DNAJA4: variants seen among roughly 807,000 people sequenced by gnomAD.
The protein encoded by DNAJA4 is DnaJ heat shock protein family (Hsp40) member A4.
Under a neutral mutation model 39.7 loss-of-function variants are expected in DNAJA4, and 32 were observed. The ratio of observed to expected loss-of-function variants is 0.81; its 90% CI spans 0.61 to 1.08. The LOEUF (loss-of-function observed/expected upper bound fraction) is 1.08. Among genes scored for constraint, DNAJA4 ranks in the 50% least tolerant of loss-of-function variants. DNAJA4 has a pLI of 0.00. For synonymous variants in DNAJA4, 184 were observed against 182.4 expected, an observed-to-expected ratio of 1.01 and a Z score of -0.07; for missense variants, 439 against 505.1, an observed-to-expected ratio of 0.87 and a Z score of 1.25.
At chr15:78,278,435 C>G in intron 5 of DNAJA4, 1 of 385,406 alleles carries the variant, frequency 2.6e-6, no homozygotes, top group East Asian at 7.3e-5. Context: ...ACCTAGATAG[C>G]ATAGCCTGCT....
Position 78,264,609 on chromosome 15 carries a change from G to A in DNAJA4, c.-155G>A, listed in dbSNP as rs944096349. 2.5e-5 allele frequency: 28 copies of A among 1,104,068 alleles called. No individual in the cohort carries two copies. In the African/African-American group the frequency reaches 4.4e-4, roughly 18 times the overall value. 68.4% of individuals were successfully genotyped at this position (1,104,068 alleles called of 1,614,324 possible). On this transcript the variant is annotated 5_prime_UTR_variant, in exon 1 of 7. Coordinates refer to ENST00000394852, the MANE Select transcript of DNAJA4 (RefSeq NM_001130182.2). ...AAGTCGGTCCGGCGCGGGGCGGGGG[G>A]CGGGCGGGAGCTACAAGCGGCGGCG...
Position 78,280,078 on chromosome 15 carries a change from T to G in DNAJA4, c.911T>G (p.Val304Gly). 1 of 1,614,198 alleles carries G rather than the reference T, an allele frequency of 6.2e-7. No homozygotes were observed. The highest frequency in any genetic ancestry group is 8.5e-7 in the Non-Finnish European group (1 of 1,180,036). ...ATAAAGCACGGGGACCTGAGATGCGTGCGCGATGAAGGAATGCCCATCTAC... is the reference window on the plus strand; with the variant it reads ...ATAAAGCACGGGGACCTGAGATGCGGGCGCGATGAAGGAATGCCCATCTAC... ...EVIKHGDLRC[V>G]RDEGMPIYKA... is the part of the protein sequence containing the mutation. The change falls in exon 6 of 7, where the codon GTG (valine) becomes GGG (glycine). Residue 304 changes from valine (V) to glycine (G), a missense_variant. Physicochemically the swap from Val to Gly is moderately radical, Grantham distance 109. Transcript: ENST00000394852.
intron 1 of DNAJA4, among the ~76,000 whole-genome samples, chr15:78,269,678 ATTGTT>A: frequency 6.6e-6 from 1 of 152,084 alleles, no homozygotes; most frequent in South Asian, 2.1e-4. Flanking sequence ...CATTTCTCCC[ATTGTT>A]CCAATAATGT....
At position 78,265,427 on chromosome 15, in the gene DNAJA4, C is replaced by G. The variant is rs1490509221; in HGVS notation, c.132+532C>G. ...CTGGATTTGTTCTGTGCACCTACTG[C>G]CTACCTGATAAAAGCGTCAGATAGT... is the stretch of plus-strand genomic sequence containing the variant. On this transcript the variant is annotated intron_variant, in intron 1 of 6. Transcript: ENST00000394852. The G allele has an allele frequency of 1.0e-5, 7 of 699,974 alleles. No individual in the cohort carries two copies. In the East Asian group the frequency reaches 1.9e-4, roughly 19 times the overall value. 43.4% of individuals were successfully genotyped at this position (699,974 alleles called of 1,614,324 possible). A position where few individuals can be genotyped will look rare whatever the true frequency, so the allele number is the denominator to read the frequency against.
chr15:78,277,990 C>T, intron 5 of DNAJA4: 1 of 454,578 alleles, frequency 2.2e-6, no homozygotes, highest in South Asian at 1.6e-5. Context: ...TTTGTGTTGG[C>T]TTATTTCTTG....
Position 78,281,441 on chromosome 15 carries a change from CAA to C in DNAJA4, c.*983_*984del, listed in dbSNP as rs1320146197. ...CATTCTCCCAGATTGAGCTCCCTTC[CAA>C]AGGATCGTTCCTCTCATTGCACAGC... On this transcript the variant is annotated 3_prime_UTR_variant, in exon 7 of 7. Coordinates refer to ENST00000394852, the MANE Select transcript of DNAJA4 (RefSeq NM_001130182.2). 1 of 149,818 alleles carries C rather than the reference CAA, an allele frequency of 6.7e-6. No individual in the cohort carries two copies. The highest frequency in any genetic ancestry group is 2.6e-5 in the African/African-American group (1 of 39,108). 9.3% of individuals were successfully genotyped at this position (149,818 alleles called of 1,614,324 possible). A position where few individuals can be genotyped will look rare whatever the true frequency, so the allele number is the denominator to read the frequency against.
intron 4 of DNAJA4, chr15:78,275,275 C>T: frequency 3.6e-6 from 2 of 554,160 alleles, no homozygotes; most frequent in Non-Finnish European, 6.4e-6. Flanking sequence ...CGCATTCCCC[C>T]ACTCCCTGTG....
At chr15:78,276,831 A>C (rs1271114655) in intron 5 of DNAJA4, among the ~76,000 whole-genome samples, 2 of 152,154 alleles carry the variant, frequency 1.3e-5, no homozygotes, top group Admixed American at 1.3e-4. Flanking sequence ...GATAAGACTC[A>C]AGTCTGGTGG....
In DNAJA4 at chr15:78,264,796, G is replaced by T; in HGVS notation, c.33G>T (p.Leu11=). The change falls in exon 1 of 7, where the codon CTG becomes CTT. Residue 11 remains leucine, a synonymous_variant. Coordinates refer to ENST00000394852, the MANE Select transcript of DNAJA4 (RefSeq NM_001130182.2). MVKETQYYDI[L]GVKPSASPEE... is the part of the protein sequence containing the mutation. ...AGGAGACCCAGTACTATGACATCCT[G>T]GGCGTGAAGCCCAGCGCGTCCCCGG... is the stretch of plus-strand genomic sequence containing the variant. 1 of 1,609,814 alleles carries T rather than the reference G, an allele frequency of 6.2e-7. No individual in the cohort carries two copies. Among genetic ancestry groups the T allele is most frequent in the Non-Finnish European group, 8.5e-7 (1 of 1,177,858 alleles).
Position 78,276,470 on chromosome 15 carries a change from G to A in DNAJA4, c.877+742G>A, listed in dbSNP as rs568049847. On this transcript the variant is annotated intron_variant, in intron 5 of 6. Transcript: ENST00000394852. Reference sequence around the variant, plus strand: ...GCACTCATCTCCCAGGAGGGTTGGTGTGTTCACTGTAGTTGAGGGTTTGTG... The same window carrying A: ...GCACTCATCTCCCAGGAGGGTTGGTATGTTCACTGTAGTTGAGGGTTTGTG... 9.8e-4 allele frequency among the ~76,000 whole-genome samples: 149 copies of A among 152,352 alleles called. 1 individual carries two copies. The highest frequency in any genetic ancestry group is 1.5e-3 in the Non-Finnish European group (103 of 68,028).
In DNAJA4 at chr15:78,270,573, A is replaced by G. The variant is rs946232624; in HGVS notation, c.209A>G (p.Gln70Arg). 6.2e-7 allele frequency: 1 copy of G among 1,614,244 alleles called. No individual in the cohort carries two copies. Among genetic ancestry groups the G allele is most frequent in the Non-Finnish European group, 8.5e-7 (1 of 1,180,048 alleles). ...GATGTTTATGACCAAGGCGGAGAGC[A>G]GGCAATTAAAGAAGGAGGCTCAGGC... The part of the protein sequence containing the change: ...KRDVYDQGGE[Q>R]AIKEGGSGSP... The change falls in exon 2 of 7, where the codon CAG becomes CGG. Residue 70 changes from glutamine to arginine, a missense_variant. Physicochemically the swap from Gln to Arg is conservative, Grantham distance 43. Coordinates refer to ENST00000394852, the MANE Select transcript of DNAJA4 (RefSeq NM_001130182.2).
chr15:78,270,199 C>T (rs543199988), intron 1 of DNAJA4: 121 of 256,756 alleles, frequency 4.7e-4, no homozygotes, highest in Admixed American at 2.0e-4. Flanking sequence ...TAGCTGGTCT[C>T]GACTTCCTGT....
At chr15:78,272,003 G>A (rs1332311787) in intron 2 of DNAJA4, among the ~76,000 whole-genome samples, 2 of 152,142 alleles carry the variant, frequency 1.3e-5, no homozygotes, top group Admixed American at 6.5e-5. Flanking sequence ...ATCACAAAGT[G>A]TTTATTAGGG....
chr15:78,274,754 A>G, intron 4 of DNAJA4: 1 of 365,456 alleles, frequency 2.7e-6, no homozygotes, highest in South Asian at 2.5e-5. Context: ...TTCCTCTAGA[A>G]TCTTTCGGAG....
At chr15:78,270,804 T>C in intron 2 of DNAJA4, 127 bp downstream of exon 2, 5 of 1,066,764 alleles carry the variant, frequency 4.7e-6, no homozygotes, top group Non-Finnish European at 1.3e-6. Flanking sequence ...ATGTCTGTAA[T>C]TTCAGCACTT....
chr15:78,272,670 T>G (rs1031125222), intron 2 of DNAJA4, among the ~76,000 whole-genome samples: 2 of 152,244 alleles, frequency 1.3e-5, no homozygotes, highest in Admixed American at 1.3e-4. Flanking sequence ...AAGTGCTTTA[T>G]GCCCAAGGAA....
chr15:78,274,463 A>C (rs749117797), intron 4 of DNAJA4, 39 bp downstream of exon 4: 1 of 1,584,300 alleles, frequency 6.3e-7, no homozygotes, highest in Non-Finnish European at 8.7e-7. Flanking sequence ...ACGGGCTGGA[A>C]ATGCTGTCTG....
chr15:78,264,532 AAAACCCGCCGCGG>A, upstream of DNAJA4: 3 of 1,228,982 alleles, frequency 2.4e-6, no homozygotes, highest in Non-Finnish European at 3.0e-6. Context: ...GGCGCCGAAT[AAAACCCGCCGCGG>A]AGGAGCCGGT....
rs774327188 is a variant in DNAJA4 at position 78,264,743 on chromosome 15, CG to C, written c.-20del. ...CCGGGGCGCTCTGACCGGCCTCGCC[CG>C]CCCCCCCCGCAGACACAAGATGGTG... On this transcript the variant is annotated 5_prime_UTR_variant, in exon 1 of 7. Transcript: ENST00000394852. 3 of 1,397,054 alleles carry C rather than the reference CG, an allele frequency of 2.1e-6. No individual in the cohort carries two copies. The South Asian group carries it at 3.6e-5, about 17-fold the overall frequency. 86.5% of individuals were successfully genotyped at this position (1,397,054 alleles called of 1,614,324 possible).
Sources: allele counts gnomAD v4.1 joint callset (sites outside exome capture counted in the v4.1 genomes callset), GRCh38; gene constraint gnomAD v4.1.1; transcripts MANE v1.5; gene names NCBI Gene and HGNC (gene_info 2026-07-23, HGNC 2026-07-21).